Variants in CALN1 observed in about 807,000 individuals in gnomAD.
The protein encoded by CALN1 is calneuron 1.
A neutral mutation model predicts 30.6 loss-of-function variants in CALN1; 17 were observed. That is an observed-to-expected ratio of 0.56 (90% CI 0.38 to 0.83). CALN1 has a LOEUF of 0.83. CALN1 is among the 40% of genes least tolerant of loss of function. The pLI, the probability that CALN1 is intolerant of heterozygous loss-of-function variation, is 0.00. For synonymous variants in CALN1, 156 were observed against 131.4 expected, an observed-to-expected ratio of 1.19 and a Z score of -1.28; for missense variants, 291 against 354.9, an observed-to-expected ratio of 0.82 and a Z score of 1.45.
At chr7:71,841,819 A>T (rs1789955531) in intron 5 of CALN1, among the ~76,000 whole-genome samples, 3 of 152,106 alleles carry the variant, frequency 2.0e-5, no homozygotes, top group Admixed American at 2.0e-4. Flanking sequence ...GGACATAAAA[A>T]TGCCAGCAAT....
At chr7:72,378,808 T>C (rs1378810414) in intron 2 of CALN1, among the ~76,000 whole-genome samples, 1 of 152,164 alleles carries the variant, frequency 6.6e-6, no homozygotes, top group Non-Finnish European at 1.5e-5. Context: ...CCTCAAGTGA[T>C]CTGCCTGCCT....
At chr7:72,401,099 A>G (rs988645128) in intron 2 of CALN1, among the ~76,000 whole-genome samples, 4 of 152,096 alleles carry the variant, frequency 2.6e-5, no homozygotes, top group East Asian at 1.9e-4. Flanking sequence ...GCTTCTCTCA[A>G]TGTACCTGGA....
intron 3 of CALN1, among the ~76,000 whole-genome samples, chr7:72,128,341 G>A (rs1401155570): frequency 1.3e-5 from 2 of 152,040 alleles, no homozygotes; most frequent in Non-Finnish European, 2.9e-5. Context: ...GGGGAAAGAT[G>A]AATCCAAAAA....
the CALN1 span, among the ~76,000 whole-genome samples, chr7:72,492,320 G>A: frequency 9.9e-5 from 15 of 152,214 alleles, no homozygotes; most frequent in Non-Finnish European, 2.2e-4. Flanking sequence ...AGTTAGTGGC[G>A]TGATCTTGGT....
intron 2 of CALN1, among the ~76,000 whole-genome samples, chr7:72,292,458 GTCACTATA>G (rs1166632095): frequency 6.8e-6 from 1 of 147,898 alleles, no homozygotes; most frequent in Non-Finnish European, 1.5e-5. Context: ...AGGTGATTGG[GTCACTATA>G]TCATGACCCA....
rs369126298 is a variant in CALN1 at position 71,988,455 on chromosome 7, A to C, written c.501+35202T>G. On this transcript the variant is annotated intron_variant, in intron 5 of 6. Transcript: ENST00000395275. ...AAGGCATAGCCGGTGCCCCAAGCCCACAGTCATGTGGAATAGACTCAGAGA... is the reference window on the plus strand; with the variant it reads ...AAGGCATAGCCGGTGCCCCAAGCCCCCAGTCATGTGGAATAGACTCAGAGA... Among the ~76,000 whole-genome samples the C allele has an allele frequency of 1.7e-3, 260 of 152,280 alleles. 3 individuals carry two copies. Among genetic ancestry groups the C allele is most frequent in the African/African-American group, 6.0e-3 (248 of 41,570 alleles).
chr7:72,386,557 T>C (rs1805220665), intron 2 of CALN1, among the ~76,000 whole-genome samples: 1 of 151,758 alleles, frequency 6.6e-6, no homozygotes, highest in Non-Finnish European at 1.5e-5. Context: ...GAAGTGGGGG[T>C]TTCCAGTAAA....
chr7:72,329,206 G>C (rs1317720323), intron 2 of CALN1, among the ~76,000 whole-genome samples: 1 of 152,068 alleles, frequency 6.6e-6, no homozygotes, highest in South Asian at 2.1e-4. Flanking sequence ...CACTTAACTG[G>C]TACGTTAGAA....
At chr7:71,816,766 G>A (rs558374405) in intron 5 of CALN1, among the ~76,000 whole-genome samples, 2 of 152,230 alleles carry the variant, frequency 1.3e-5, no homozygotes, top group East Asian at 3.9e-4. Flanking sequence ...TCAGGAGTTC[G>A]AGACTAGCCT....
chr7:72,278,633 G>A (rs1432797946), intron 3 of CALN1, 53 bp downstream of exon 3: 10 of 1,588,728 alleles, frequency 6.3e-6, no homozygotes, highest in Non-Finnish European at 8.6e-6. Context: ...ACAATAGCCA[G>A]AAACACCTCC....
chr7:71,933,220 C>T (rs1795653506), intron 5 of CALN1, among the ~76,000 whole-genome samples: 1 of 152,028 alleles, frequency 6.6e-6, no homozygotes, highest in African/African-American at 2.4e-5. Flanking sequence ...CAAGATGGCG[C>T]CAGTTAAGTG....
chr7:72,419,636 C>G (rs1807544839), intron 1 of CALN1, among the ~76,000 whole-genome samples: 1 of 152,118 alleles, frequency 6.6e-6, no homozygotes, highest in Admixed American at 6.5e-5. Flanking sequence ...TAAGTGGAAA[C>G]AGCTGGCCCA....
intron 2 of CALN1, among the ~76,000 whole-genome samples, chr7:72,373,209 A>C (rs1221930034): frequency 2.0e-5 from 3 of 152,200 alleles, no homozygotes; most frequent in Non-Finnish European, 4.4e-5. Context: ...TCTGAACAAC[A>C]CAGGAAAAAA....
chr7:71,968,540 C>T (rs1177047218), intron 5 of CALN1, among the ~76,000 whole-genome samples: 1 of 152,002 alleles, frequency 6.6e-6, no homozygotes, highest in Non-Finnish European at 1.5e-5. Flanking sequence ...CAGCAATTCT[C>T]GTGCCTCAGT....
chr7:72,190,026 C>T (rs1318872199), intron 3 of CALN1, among the ~76,000 whole-genome samples: 1 of 152,198 alleles, frequency 6.6e-6, no homozygotes, highest in East Asian at 1.9e-4. Flanking sequence ...TATTCTCCAA[C>T]TTGAGAAGTA....
chr7:72,092,170 T>C (rs1019333252), intron 4 of CALN1, among the ~76,000 whole-genome samples: 3 of 152,192 alleles, frequency 2.0e-5, no homozygotes, highest in Admixed American at 6.5e-5. Flanking sequence ...TTCCACAGAA[T>C]CAGTGCTTGG....
At chr7:71,922,882 A>G (rs1461386069) in intron 5 of CALN1, among the ~76,000 whole-genome samples, 3 of 96,850 alleles carry the variant, frequency 3.1e-5, no homozygotes, top group African/African-American at 9.1e-5. Flanking sequence ...ATATAAACAT[A>G]TATATTAATA....
At chr7:72,328,470 AC>A (rs1801436893) in intron 2 of CALN1, among the ~76,000 whole-genome samples, 1 of 152,166 alleles carries the variant, frequency 6.6e-6, no homozygotes, top group Admixed American at 6.5e-5. Flanking sequence ...ATGTGGTACT[AC>A]TGTGAGTGCA....
intron 1 of CALN1, among the ~76,000 whole-genome samples, chr7:72,443,909 T>C (rs1323198189): frequency 7.2e-6 from 1 of 138,886 alleles, no homozygotes; most frequent in Non-Finnish European, 1.6e-5. Context: ...AGTGGTGTGA[T>C]CTCGGCTCAC....
Sources: allele counts gnomAD v4.1 joint callset (sites outside exome capture counted in the v4.1 genomes callset), GRCh38; gene constraint gnomAD v4.1.1; transcripts MANE v1.5; gene names NCBI Gene and HGNC (gene_info 2026-07-23, HGNC 2026-07-21).